Variants in OPCML observed in about 807,000 individuals in gnomAD.
OPCML encodes the protein opioid binding protein/cell adhesion molecule like, also known as opioid-binding protein/cell adhesion molecule.
A neutral mutation model predicts 37.8 loss-of-function variants in OPCML; 13 were observed. The ratio of observed to expected loss-of-function variants is 0.34; its 90% CI spans 0.22 to 0.55. The LOEUF (loss-of-function observed/expected upper bound fraction) is 0.55. OPCML is among the 20% of genes least tolerant of loss of function. OPCML has a pLI of 0.91. For missense variants in OPCML, 341 were observed against 435.6 expected, an observed-to-expected ratio of 0.78 and a Z score of 1.93; for synonymous variants, 176 against 168.8, an observed-to-expected ratio of 1.04 and a Z score of -0.33.
intron 1 of OPCML, among the ~76,000 whole-genome samples, chr11:133,531,607 T>G (rs1948605338): frequency 6.6e-6 from 1 of 151,864 alleles, no homozygotes; most frequent in African/African-American, 2.4e-5. Flanking sequence ...AGGGCCTGTG[T>G]TACAACAAGA....
intron 1 of OPCML, among the ~76,000 whole-genome samples, chr11:133,241,840 G>T (rs148770095): frequency 1.2e-3 from 188 of 152,222 alleles, no homozygotes; most frequent in African/African-American, 4.3e-3. Context: ...CAACTTCCAC[G>T]CTTCCACGCA....
rs773957852 is a variant in OPCML, at chr11:133,234,262, AC to A, written c.62-291253del. 2.3e-3 allele frequency among the ~76,000 whole-genome samples: 354 copies of A among 151,338 alleles called. 1 individual carries two copies. Among genetic ancestry groups the A allele is most frequent in the African/African-American group, 7.4e-3 (304 of 41,066 alleles). ...AAAGCAAAACCAAACAACAACAACA[AC>A]AAAAAAAAAACACAGTTTTTACTTC... On this transcript the variant is annotated intron_variant, in intron 1 of 7. Coordinates refer to ENST00000524381, the MANE Select transcript of OPCML (RefSeq NM_001012393.5).
chr11:132,642,398 A>G (rs1940900215), intron 3 of OPCML, among the ~76,000 whole-genome samples: 1 of 152,168 alleles, frequency 6.6e-6, no homozygotes, highest in Non-Finnish European at 1.5e-5. Flanking sequence ...AATAGCAAGA[A>G]TGTTATAAGA....
At chr11:132,858,542 A>G (rs1239321652) in intron 2 of OPCML, among the ~76,000 whole-genome samples, 1 of 152,170 alleles carries the variant, frequency 6.6e-6, no homozygotes, top group East Asian at 1.9e-4. Flanking sequence ...AGGACTTGTG[A>G]GGCTCCACCC....
chr11:133,185,326 C>T (rs914323643), intron 1 of OPCML, among the ~76,000 whole-genome samples: 2 of 152,196 alleles, frequency 1.3e-5, no homozygotes, highest in Non-Finnish European at 2.9e-5. Context: ...TTATTACCAA[C>T]CATCAACACC....
intron 4 of OPCML, among the ~76,000 whole-genome samples, chr11:132,469,607 ATGTGTGTATGTGTGTGGGGTG>A (rs1361661388): frequency 5.0e-5 from 5 of 100,338 alleles, no homozygotes; most frequent in South Asian, 7.1e-4. Flanking sequence ...GTGTATAGGC[ATGTGTGTATGTGTGTGGGGTG>A]TGTGTGTATG....
rs565201056 is a variant in OPCML, at chr11:133,285,428, G to T, written c.61+246836C>A. Among the ~76,000 whole-genome samples, 30 of 152,300 alleles carry T rather than the reference G, an allele frequency of 2.0e-4. 1 individual carries two copies. The South Asian group carries it at 6.0e-3, about 31-fold the overall frequency. Reference sequence around the variant, plus strand: ...GGAGCCGGACTGGAGGACAATCTTAGGAGACCCGTACGTGGGGAATCTTTG... The same window carrying T: ...GGAGCCGGACTGGAGGACAATCTTATGAGACCCGTACGTGGGGAATCTTTG... On this transcript the variant is annotated intron_variant, in intron 1 of 7. Transcript: ENST00000524381.
chr11:133,321,087 G>T (rs1202433794), intron 1 of OPCML, among the ~76,000 whole-genome samples: 1 of 152,144 alleles, frequency 6.6e-6, no homozygotes, highest in Non-Finnish European at 1.5e-5. Flanking sequence ...CTGAAGACTG[G>T]TGACCAGAAC....
chr11:133,288,695 A>G (rs1942371818), intron 1 of OPCML, among the ~76,000 whole-genome samples: 1 of 152,176 alleles, frequency 6.6e-6, no homozygotes, highest in Admixed American at 6.5e-5. Flanking sequence ...GCCGAGGGAA[A>G]AGCCCCTGAA....
chr11:133,236,042 A>G (rs1940500743), intron 1 of OPCML, among the ~76,000 whole-genome samples: 2 of 152,230 alleles, frequency 1.3e-5, no homozygotes, highest in African/African-American at 4.8e-5. Context: ...CATCCCTGTG[A>G]TAACGTTTAA....
chr11:132,850,390 G>T (rs912262103), intron 2 of OPCML, among the ~76,000 whole-genome samples: 14 of 152,172 alleles, frequency 9.2e-5, no homozygotes, highest in Admixed American at 2.0e-4. Context: ...TCAAATTAGT[G>T]CTGGTAGATT....
intron 3 of OPCML, among the ~76,000 whole-genome samples, chr11:132,531,476 C>A (rs374591233): frequency 6.6e-6 from 1 of 152,148 alleles, no homozygotes; most frequent in African/African-American, 2.4e-5. Flanking sequence ...TGAATTCAGA[C>A]GATTTTGCAG....
chr11:133,045,372 C>T (rs761201187), intron 1 of OPCML, among the ~76,000 whole-genome samples: 10 of 152,154 alleles, frequency 6.6e-5, no homozygotes, highest in Non-Finnish European at 1.2e-4. Context: ...TACAAGTTTG[C>T]GGAGTAAACA....
At position 132,813,932 on chromosome 11, in the gene OPCML, G is replaced by T. The variant is rs1184428786; in HGVS notation, c.146+128994C>A. On this transcript the variant is annotated intron_variant, in intron 2 of 7. Coordinates refer to ENST00000524381, the MANE Select transcript of OPCML (RefSeq NM_001012393.5). ...TCTGAGATAGGTGTGCGTTTTACATGCACTAATAACACCTTTTCAAATAAC... is the reference window on the plus strand; with the variant it reads ...TCTGAGATAGGTGTGCGTTTTACATTCACTAATAACACCTTTTCAAATAAC... Among the ~76,000 whole-genome samples the T allele has an allele frequency of 2.6e-5, 4 of 152,158 alleles. No homozygotes were observed. In the East Asian group the frequency reaches 7.7e-4, roughly 29 times the overall value.
chr11:132,952,862 T>C (rs1945892314), intron 1 of OPCML, among the ~76,000 whole-genome samples: 1 of 152,044 alleles, frequency 6.6e-6, no homozygotes, highest in African/African-American at 2.4e-5. Flanking sequence ...ATTCCTTTTT[T>C]CCATCCTTAA....
At chr11:132,737,738 C>T (rs1361718314) in intron 2 of OPCML, among the ~76,000 whole-genome samples, 2 of 152,060 alleles carry the variant, frequency 1.3e-5, no homozygotes, top group African/African-American at 4.8e-5. Flanking sequence ...GTCAAAAAGG[C>T]CCTTGGACAT....
chr11:132,421,087 C>T (rs1486393944), intron 7 of OPCML, among the ~76,000 whole-genome samples: 6 of 152,016 alleles, frequency 3.9e-5, no homozygotes, highest in Admixed American at 6.6e-5. Context: ...TTCTTTTCCC[C>T]TCACCTTCCA....
At chr11:133,429,715 C>A (rs1450528368) in intron 1 of OPCML, among the ~76,000 whole-genome samples, 2 of 152,130 alleles carry the variant, frequency 1.3e-5, no homozygotes, top group East Asian at 1.9e-4. Flanking sequence ...AATGTTTGAT[C>A]TGAGCACCTG....
At chr11:133,281,012 T>C (rs959224545) in intron 1 of OPCML, among the ~76,000 whole-genome samples, 1 of 151,600 alleles carries the variant, frequency 6.6e-6, no homozygotes, top group Non-Finnish European at 1.5e-5. Flanking sequence ...AGCTCAAGAG[T>C]TTCAACAGAG....
Sources: allele counts gnomAD v4.1 joint callset (sites outside exome capture counted in the v4.1 genomes callset), GRCh38; gene constraint gnomAD v4.1.1; transcripts MANE v1.5; gene names NCBI Gene and HGNC (gene_info 2026-07-23, HGNC 2026-07-21).